Variants in COMMD1 observed in about 807,000 individuals in gnomAD.
COMMD1 encodes the protein COMM domain-containing protein 1.
COMMD1 carries 10 observed loss-of-function variants against 17.2 expected under a neutral mutation model. The ratio of observed to expected loss-of-function variants is 0.58; its 90% CI spans 0.36 to 0.99. COMMD1 has a LOEUF of 0.99. Ranked by LOEUF, COMMD1 falls within the 50% of genes least tolerant of loss-of-function variation. The probability of loss-of-function intolerance (pLI) is 0.01; values close to 1 mark genes in which losing one functional copy is unlikely to be tolerated. For missense variants in COMMD1, 270 were observed against 231.8 expected, an observed-to-expected ratio of 1.17 and a Z score of -1.07; for synonymous variants, 97 against 91.6, an observed-to-expected ratio of 1.06 and a Z score of -0.34.
rs554680039 is a variant in COMMD1, at chr2:61,923,850, C to T, written c.180+17992C>T. 7.2e-5 allele frequency among the ~76,000 whole-genome samples: 11 copies of T among 152,294 alleles called. No individual in the cohort carries two copies. In the South Asian group the frequency reaches 1.0e-3, roughly 14 times the overall value. The stretch of plus-strand genomic sequence containing the variant: ...AGTGCAGTGTGGTGTGATCTGGGCT[C>T]ATTGCAACTTCCTCCTCCCAGGCTG... On this transcript the variant is annotated intron_variant, in intron 1 of 2. Coordinates refer to ENST00000311832, the MANE Select transcript of COMMD1 (RefSeq NM_152516.4).
intron 2 of COMMD1, among the ~76,000 whole-genome samples, chr2:62,110,258 AT>A (rs1038967295): frequency 7.9e-5 from 12 of 151,714 alleles, no homozygotes; most frequent in African/African-American, 2.9e-4. Context: ...TTTTATAGGA[AT>A]GGTGTCTCAC....
chr2:62,020,629 A>G (rs1217198848), intron 2 of COMMD1, among the ~76,000 whole-genome samples: 3 of 152,210 alleles, frequency 2.0e-5, no homozygotes, highest in Non-Finnish European at 4.4e-5. Flanking sequence ...AGTCACACCT[A>G]AAAATCTCTT....
At chr2:62,023,276 G>A (rs763679523) in intron 2 of COMMD1, among the ~76,000 whole-genome samples, 1 of 151,778 alleles carries the variant, frequency 6.6e-6, no homozygotes, top group Non-Finnish European at 1.5e-5. Context: ...AGAATAGTAG[G>A]TACCCCTGAG....
In COMMD1 at chr2:62,038,400, T is replaced by A. The variant is rs528682258; in HGVS notation, c.462+37418T>A. Among the ~76,000 whole-genome samples the A allele has an allele frequency of 2.0e-5, 3 of 152,346 alleles. No homozygotes were observed. The South Asian group carries it at 6.2e-4, about 32-fold the overall frequency. On this transcript the variant is annotated intron_variant, in intron 2 of 2. Transcript: ENST00000311832. ...ATAATAGCAGCAATACTCCAATAAC[T>A]GAGAAATTGAAAATGGCTTTGAATT...
chr2:61,959,480 G>A (rs1214080421), intron 1 of COMMD1, among the ~76,000 whole-genome samples: 3 of 152,128 alleles, frequency 2.0e-5, no homozygotes, highest in Non-Finnish European at 4.4e-5. Flanking sequence ...CTTAGGGCAG[G>A]CATTTTATAA....
chr2:61,976,667 A>G (rs1270550207), intron 1 of COMMD1, among the ~76,000 whole-genome samples: 1 of 152,210 alleles, frequency 6.6e-6, no homozygotes, highest in African/African-American at 2.4e-5. Context: ...AACTAAATCT[A>G]AGTAACATTT....
At chr2:62,116,179 A>G (rs1379221610) in intron 2 of COMMD1, among the ~76,000 whole-genome samples, 1 of 152,088 alleles carries the variant, frequency 6.6e-6, no homozygotes, top group Non-Finnish European at 1.5e-5. Flanking sequence ...GAAATTATAT[A>G]ACAACAGTAT....
At chr2:62,041,326 A>G (rs544817802) in intron 2 of COMMD1, among the ~76,000 whole-genome samples, 9 of 152,146 alleles carry the variant, frequency 5.9e-5, no homozygotes, top group Non-Finnish European at 1.0e-4. Flanking sequence ...TTTTCGCTCA[A>G]TAAATTACAT....
intron 2 of COMMD1, among the ~76,000 whole-genome samples, chr2:62,071,670 C>G (rs1490705787): frequency 6.6e-6 from 1 of 152,128 alleles, no homozygotes; most frequent in Non-Finnish European, 1.5e-5. Flanking sequence ...TAAAAATAAA[C>G]TATTATAAAT....
At chr2:61,990,903 T>TATATACAC (rs776666143) in intron 1 of COMMD1, among the ~76,000 whole-genome samples, 10 of 116,164 alleles carry the variant, frequency 8.6e-5, no homozygotes, top group Non-Finnish European at 1.7e-4. Flanking sequence ...TATATATATA[T>TATATACAC]ACACACACAC....
At chr2:61,982,740 G>C (rs575985856) in intron 1 of COMMD1, among the ~76,000 whole-genome samples, 6 of 151,992 alleles carry the variant, frequency 3.9e-5, no homozygotes, top group Non-Finnish European at 8.8e-5. Flanking sequence ...CATCATGAAG[G>C]GATGTTGAAT....
intron 1 of COMMD1, among the ~76,000 whole-genome samples, chr2:61,931,238 G>A (rs778707579): frequency 6.6e-6 from 1 of 152,078 alleles, no homozygotes; most frequent in Non-Finnish European, 1.5e-5. Context: ...CTTGAACCCA[G>A]GAGGTAGAGG....
intron 2 of COMMD1, among the ~76,000 whole-genome samples, chr2:62,058,221 A>G (rs546903403): frequency 1.7e-4 from 26 of 152,352 alleles, no homozygotes; most frequent in African/African-American, 6.3e-4. Flanking sequence ...ACAAATGTCA[A>G]TTAGATTAAG....
chr2:62,001,649 A>G (rs967922782), intron 2 of COMMD1, among the ~76,000 whole-genome samples: 1 of 152,226 alleles, frequency 6.6e-6, no homozygotes, highest in Admixed American at 6.5e-5. Context: ...AGAAACTGGT[A>G]ATTAGGAAGA....
chr2:62,083,564 T>C (rs1166283142), intron 2 of COMMD1, among the ~76,000 whole-genome samples: 1 of 152,256 alleles, frequency 6.6e-6, no homozygotes, highest in Non-Finnish European at 1.5e-5. Flanking sequence ...TCGAAGTGTC[T>C]AAGTCAGTGT....
chr2:61,943,103 AAAG>A (rs1234080174), intron 1 of COMMD1, among the ~76,000 whole-genome samples: 1 of 152,238 alleles, frequency 6.6e-6, no homozygotes, highest in Non-Finnish European at 1.5e-5. Flanking sequence ...AGCAGGCTGA[AAAG>A]AAAGCAGAGA....
intron 1 of COMMD1, among the ~76,000 whole-genome samples, chr2:61,889,668 A>C (rs1277607718): frequency 6.6e-6 from 1 of 151,728 alleles, no homozygotes; most frequent in South Asian, 2.1e-4. Context: ...CAGAAAAGGG[A>C]GATTTGGAAT....
intron 1 of COMMD1, among the ~76,000 whole-genome samples, chr2:61,924,398 G>T (rs1670273801): frequency 7.1e-6 from 1 of 141,730 alleles, no homozygotes; most frequent in South Asian, 2.5e-4. Context: ...TTGGAGAGGG[G>T]GGAAGAGAGA....
intron 1 of COMMD1, among the ~76,000 whole-genome samples, chr2:61,960,457 C>T (rs4374358): frequency 0.91 from 138,719 of 152,194 alleles, 63,357 homozygotes; most frequent in East Asian, 1. Flanking sequence ...GAGGTGAGAA[C>T]TGAAGCGATA....
Sources: gnomAD v4.1 joint callset for allele counts (sites outside exome capture counted in the v4.1 genomes callset) on GRCh38, gnomAD v4.1.1 for gene constraint, MANE v1.5 for transcripts, NCBI Gene and HGNC (gene_info 2026-07-23, HGNC 2026-07-21) for gene names.